Variants in PLXNA4 observed in about 807,000 individuals in gnomAD.
PLXNA4 encodes plexin A4.
Under a neutral mutation model 191.8 loss-of-function variants are expected in PLXNA4, and 44 were observed. The ratio of observed to expected loss-of-function variants is 0.23; its 90% CI spans 0.18 to 0.29. PLXNA4 has a LOEUF of 0.29. Among genes scored for constraint, PLXNA4 ranks in the 10% least tolerant of loss-of-function variants. PLXNA4 has a pLI of 1.00. For synonymous variants in PLXNA4, 1,082 were observed against 1,009.5 expected (o/e 1.07, Z -1.36); for missense variants, 1,800 against 2,488.8 (o/e 0.72, Z 5.89).
At chr7:132,299,800 T>C (rs1801237803) in intron 3 of PLXNA4, among the ~76,000 whole-genome samples, 1 of 152,098 alleles carries the variant, frequency 6.6e-6, no homozygotes, top group Non-Finnish European at 1.5e-5. Context: ...GCCACAGTGA[T>C]TAAGAGAAAA....
chr7:132,271,779 CAT>C (rs1800083854), intron 4 of PLXNA4, among the ~76,000 whole-genome samples: 1 of 151,926 alleles, frequency 6.6e-6, no homozygotes, highest in Non-Finnish European at 1.5e-5. Context: ...AGAGTAGCTT[CAT>C]TGGAAAAACC....
intron 4 of PLXNA4, among the ~76,000 whole-genome samples, chr7:132,256,826 T>C (rs901305475): frequency 6.6e-6 from 1 of 152,160 alleles, no homozygotes; most frequent in African/African-American, 2.4e-5. Context: ...TTGAGGATTA[T>C]GCATTTTGCC....
At chr7:132,533,706 C>T (rs1240481125) in intron 1 of PLXNA4, among the ~76,000 whole-genome samples, 1 of 152,210 alleles carries the variant, frequency 6.6e-6, no homozygotes, top group Non-Finnish European at 1.5e-5. Flanking sequence ...GCCTGCAGGA[C>T]CAGAGAGCTC....
chr7:132,616,895 C>T (rs1041342546), intron 2 of PLXNA4, among the ~76,000 whole-genome samples: 1 of 152,110 alleles, frequency 6.6e-6, no homozygotes, highest in African/African-American at 2.4e-5. Flanking sequence ...ACTCTCCAAC[C>T]CATGAAGTAA....
chr7:132,341,988 C>T (rs1008172742), intron 3 of PLXNA4, among the ~76,000 whole-genome samples: 1 of 151,784 alleles, frequency 6.6e-6, no homozygotes, highest in African/African-American at 2.4e-5. Context: ...GACACCACTG[C>T]CCCATTTTTA....
intron 5 of PLXNA4, among the ~76,000 whole-genome samples, chr7:132,235,000 A>G: frequency 6.6e-6 from 1 of 152,238 alleles, no homozygotes; most frequent in East Asian, 1.9e-4. Context: ...CAGTGAAGCA[A>G]GGCAGGGCTT....
chr7:132,202,957 G>A, intron 11 of PLXNA4, 121 bp from the exon 12 acceptor site: 1 of 1,052,078 alleles, frequency 9.5e-7, no homozygotes, highest in Non-Finnish European at 1.3e-6. Context: ...AGGCAGTTTT[G>A]CCCCCTTAGC....
chr7:132,318,208 G>A (rs955189277), intron 3 of PLXNA4, among the ~76,000 whole-genome samples: 3 of 152,128 alleles, frequency 2.0e-5, no homozygotes, highest in African/African-American at 7.2e-5. Context: ...GAGGGAGTTG[G>A]AGCCCTTCCT....
chr7:132,581,191 C>T (rs1028070841), upstream of PLXNA4, among the ~76,000 whole-genome samples: 1 of 152,208 alleles, frequency 6.6e-6, no homozygotes, highest in African/African-American at 2.4e-5. Flanking sequence ...AGGGTTCTGT[C>T]TTCAAGACTG....
intron 9 of PLXNA4, among the ~76,000 whole-genome samples, chr7:132,214,698 C>A (rs899020230): frequency 6.6e-6 from 1 of 152,160 alleles, no homozygotes. Context: ...TGTTTCATGG[C>A]CCAGGGACTC....
At chr7:132,256,854 C>G (rs145920039) in intron 4 of PLXNA4, among the ~76,000 whole-genome samples, 1 of 152,096 alleles carries the variant, frequency 6.6e-6, no homozygotes, top group Admixed American at 6.6e-5. Context: ...CTGAGTGATA[C>G]GGCAGGTGGA....
At position 132,248,587 on chromosome 7, in the gene PLXNA4, G is replaced by T. The variant is rs73157220; in HGVS notation, c.1504-7421C>A. On this transcript the variant is annotated intron_variant, in intron 4 of 31. Transcript: ENST00000321063. ...AATAGGTCATGCAAACATTGATGGCGTATGTAACTTGTACAAGTTCAGAAA... is the reference window on the plus strand; with the variant it reads ...AATAGGTCATGCAAACATTGATGGCTTATGTAACTTGTACAAGTTCAGAAA... Among the ~76,000 whole-genome samples, 184 of 152,286 alleles carry T rather than the reference G, an allele frequency of 1.2e-3. 1 individual carries two copies. The highest frequency in any genetic ancestry group is 2.1e-3 in the Non-Finnish European group (145 of 68,026).
At position 132,228,280 on chromosome 7, in the gene PLXNA4, A is replaced by C. The variant is rs562531200; in HGVS notation, c.1728+66T>G. On this transcript the variant is annotated intron_variant, in intron 6 of 31. Coordinates refer to ENST00000321063, the MANE Select transcript of PLXNA4 (RefSeq NM_020911.2). ...CTCCAGAGGGGCCTTGGGCTAAGGC[A>C]CTTTTTAGTGAGGGGAGAGTTTTCC... 30 of 1,603,728 alleles carry C rather than the reference A, an allele frequency of 1.9e-5. No individual in the cohort carries two copies. In the African/African-American group the frequency reaches 3.7e-4, roughly 20 times the overall value.
chr7:132,418,457 T>C (rs1794738081), intron 3 of PLXNA4, among the ~76,000 whole-genome samples: 1 of 152,324 alleles, frequency 6.6e-6, no homozygotes, highest in East Asian at 1.9e-4. Context: ...CCAGCTTAGC[T>C]CTCAAGTCCT....
chr7:132,270,943 C>T (rs1263498333), intron 4 of PLXNA4, among the ~76,000 whole-genome samples: 1 of 152,164 alleles, frequency 6.6e-6, no homozygotes, highest in East Asian at 1.9e-4. Flanking sequence ...TCACTTACAT[C>T]TGGTTCTTAT....
At chr7:132,165,947 C>A (rs1489298657) in intron 22 of PLXNA4, among the ~76,000 whole-genome samples, 1 of 152,146 alleles carries the variant, frequency 6.6e-6, no homozygotes, top group East Asian at 1.9e-4. Flanking sequence ...GCCTGTAATC[C>A]CAGCACTTTA....
intron 1 of PLXNA4, among the ~76,000 whole-genome samples, chr7:132,562,984 T>TCC (rs1563175149): frequency 4.6e-5 from 2 of 43,062 alleles, no homozygotes; most frequent in Non-Finnish European, 8.7e-5. Flanking sequence ...CTCCTCCTCC[T>TCC]TCTCCTCCTC....
chr7:132,627,636 G>A (rs1453057400), intron 2 of PLXNA4, among the ~76,000 whole-genome samples: 1 of 152,136 alleles, frequency 6.6e-6, no homozygotes, highest in Non-Finnish European at 1.5e-5. Flanking sequence ...TGGGATTAGT[G>A]CTTTTATAAA....
At chr7:132,457,213 C>T (rs1796345880) in intron 3 of PLXNA4, among the ~76,000 whole-genome samples, 1 of 152,202 alleles carries the variant, frequency 6.6e-6, no homozygotes, top group African/African-American at 2.4e-5. Context: ...GTTAACCAAA[C>T]TGTAGCCTTA....
Sources: gnomAD v4.1 joint callset for allele counts (sites outside exome capture counted in the v4.1 genomes callset) on GRCh38, gnomAD v4.1.1 for gene constraint, MANE v1.5 for transcripts, NCBI Gene and HGNC (gene_info 2026-07-23, HGNC 2026-07-21) for gene names.